The following CA12 variants were observed in gnomAD, a reference collection of about 807,000 sequenced individuals.
CA12 encodes carbonic anhydrase 12.
CA12 carries 36 observed loss-of-function variants against 46.8 expected under a neutral mutation model. The ratio of observed to expected loss-of-function variants is 0.77; its 90% CI spans 0.59 to 1.02. The LOEUF is 1.02. Among genes scored for constraint, CA12 ranks in the 50% least tolerant of loss-of-function variants. CA12 has a pLI of 0.00. For missense variants in CA12, 436 were observed against 451.4 expected (o/e 0.97, Z 0.31); for synonymous variants, 202 against 187.0 (o/e 1.08, Z -0.65).
intron 2 of CA12, among the ~76,000 whole-genome samples, chr15:63,364,203 G>A (rs1017534145): frequency 6.6e-6 from 1 of 150,930 alleles, no homozygotes; most frequent in African/African-American, 2.4e-5. Flanking sequence ...GGGCGGTGAG[G>A]AGACTTGGCT....
rs1294189449 is a variant in CA12, at chr15:63,322,402, T to G, written c.*3883A>C. The G allele has an allele frequency of 1.4e-5, 2 of 140,330 alleles. No individual in the cohort carries two copies. Among genetic ancestry groups the G allele is most frequent in the East Asian group, 3.9e-4 (2 of 5,158 alleles). The allele number at this position is 140,330 out of a possible 1,614,324, so 8.7% of individuals were successfully genotyped here. On this transcript the variant is annotated 3_prime_UTR_variant, in exon 11 of 11. Coordinates refer to ENST00000178638, the MANE Select transcript of CA12 (RefSeq NM_001218.5). This position sits in a 1 kb window ranked among gnomAD's most constrained non-coding sequence, Gnocchi z 4.1. ...TTAAATTTAAATTAATGTCACTGGTTTTTTTTTTTTTACCTTTTTCTAGTG... is the reference window on the plus strand; with the variant it reads ...TTAAATTTAAATTAATGTCACTGGTGTTTTTTTTTTTACCTTTTTCTAGTG...
At chr15:63,351,644 C>T (rs1009606309) in intron 2 of CA12, among the ~76,000 whole-genome samples, 2 of 152,194 alleles carry the variant, frequency 1.3e-5, no homozygotes, top group Admixed American at 1.3e-4. Context: ...CTCAAATGCC[C>T]TCTTCTTTCC....
intron 2 of CA12, among the ~76,000 whole-genome samples, chr15:63,351,195 C>A (rs1197792802): frequency 6.6e-6 from 1 of 152,212 alleles, no homozygotes; most frequent in African/African-American, 2.4e-5. Flanking sequence ...CCCCGCTCCT[C>A]CAAGGCTCAA....
rs1434007204 is a variant in CA12, at chr15:63,355,616, G to A, written c.107-8907C>T. ...GTGTACACCTGGCTCCTGCTGCAGA[G>A]CCTGGCACACTGAAGTGTTCAACAA... On this transcript the variant is annotated intron_variant, in intron 2 of 10. Transcript: ENST00000178638. The surrounding 1 kb of genome is among the most constrained non-coding windows in gnomAD (Gnocchi z 4.1). Among the ~76,000 whole-genome samples, 1 of 152,238 alleles carries A rather than the reference G, an allele frequency of 6.6e-6. No homozygotes were observed. The highest frequency in any genetic ancestry group is 1.9e-4 in the East Asian group (1 of 5,204).
At position 63,324,096 on chromosome 15, in the gene CA12, C is replaced by A. The variant is rs2038833640; in HGVS notation, c.*2189G>T. Reference sequence around the variant, plus strand: ...AAGGTTTCCCAGTTCCAAAGCTGGACCCACAGGAATCCTGTGAGGATTTGC... The same window carrying A: ...AAGGTTTCCCAGTTCCAAAGCTGGAACCACAGGAATCCTGTGAGGATTTGC... On this transcript the variant is annotated 3_prime_UTR_variant, in exon 11 of 11. Transcript: ENST00000178638. 1.3e-5 allele frequency: 2 copies of A among 152,254 alleles called. No homozygotes were observed. Among genetic ancestry groups the A allele is most frequent in the Admixed American group, 1.3e-4 (2 of 15,288 alleles). The allele number at this position is 152,254 out of a possible 1,614,324, so 9.4% of individuals were successfully genotyped here.
intron 2 of CA12, among the ~76,000 whole-genome samples, chr15:63,366,464 T>A (rs2039436043): frequency 6.6e-6 from 1 of 152,242 alleles, no homozygotes; most frequent in Non-Finnish European, 1.5e-5. Flanking sequence ...CTCTGTACTG[T>A]AAGGCCCCGC....
chr15:63,322,168 A>C lies in CA12; in HGVS notation c.*4117T>G, dbSNP rs1466099666. 1 of 152,200 alleles carries C rather than the reference A, an allele frequency of 6.6e-6. No homozygotes were observed. The highest frequency in any genetic ancestry group is 1.5e-5 in the Non-Finnish European group (1 of 68,036). 9.4% of individuals were successfully genotyped at this position (152,200 alleles called of 1,614,324 possible). A position where few individuals can be genotyped will look rare whatever the true frequency, so the allele number is the denominator to read the frequency against. ...ACAACTTCTAAGTGTGTTTGGAGCA[A>C]CTCGGATATTGGAATCTTTTAAACT... On this transcript the variant is annotated 3_prime_UTR_variant, in exon 11 of 11. Transcript: ENST00000178638. The surrounding 1 kb of genome is among the most constrained non-coding windows in gnomAD (Gnocchi z 4.1).
intron 2 of CA12, among the ~76,000 whole-genome samples, chr15:63,349,763 C>T (rs1441375153): frequency 2.0e-5 from 3 of 152,116 alleles, no homozygotes; most frequent in Non-Finnish European, 1.5e-5. Context: ...TCCTGGCTTC[C>T]CCACGCTGTC....
intron 1 of CA12, among the ~76,000 whole-genome samples, chr15:63,376,564 T>TTCTTTC (rs1555432641): frequency 1.9e-5 from 2 of 107,570 alleles, no homozygotes; most frequent in East Asian, 7.7e-4. Context: ...TTTCCTTTCT[T>TTCTTTC]TCTTTCTTTC....
At position 63,326,214 on chromosome 15, in the gene CA12, G is replaced by T; in HGVS notation, c.*71C>A. 1 of 1,149,686 alleles carries T rather than the reference G, an allele frequency of 8.7e-7. No homozygotes were observed. The highest frequency in any genetic ancestry group is 1.3e-6 in the Non-Finnish European group (1 of 757,622). 71.2% of individuals were successfully genotyped at this position (1,149,686 alleles called of 1,614,324 possible). A position where few individuals can be genotyped will look rare whatever the true frequency, so the allele number is the denominator to read the frequency against. ...GAGAACACCTTGAGGTGTCGCAAGT[G>T]TCCAGAGAGCCGAAGTGTGTAGGGT... On this transcript the variant is annotated 3_prime_UTR_variant, in exon 11 of 11. Coordinates refer to ENST00000178638, the MANE Select transcript of CA12 (RefSeq NM_001218.5).
chr15:63,364,966 T>C (rs2039419944), intron 2 of CA12, among the ~76,000 whole-genome samples: 1 of 152,226 alleles, frequency 6.6e-6, no homozygotes, highest in South Asian at 2.1e-4. Flanking sequence ...TTGTTTGTGT[T>C]GCGACAGGGT....
At chr15:63,352,844 GA>G (rs1163438102) in intron 2 of CA12, among the ~76,000 whole-genome samples, 1 of 152,168 alleles carries the variant, frequency 6.6e-6, no homozygotes, top group East Asian at 1.9e-4. Context: ...GTATCTATAT[GA>G]AAATGATCAA....
At position 63,338,962 on chromosome 15, in the gene CA12, A is replaced by C; in HGVS notation, c.748-17T>G. 1 of 1,614,144 alleles carries C rather than the reference A, an allele frequency of 6.2e-7. No individual in the cohort carries two copies. The highest frequency in any genetic ancestry group is 8.5e-7 in the Non-Finnish European group (1 of 1,180,028). On this transcript the variant is annotated splice_polypyrimidine_tract_variant and intron_variant, in intron 7 of 10. Transcript: ENST00000178638. ...AGCCAGCAGCTGAGGGCAAGAGCAG[A>C]AATAGCCCGCAGGCAGAATGACCTC... is the stretch of plus-strand genomic sequence containing the variant.
rs940969123 is a variant in CA12, at chr15:63,355,080, G to A, written c.107-8371C>T. ...CTTCTCCATTTCTAACCTCCTCTTA[G>A]GTTCTCATGACCTGTGACCTTAGAG... On this transcript the variant is annotated intron_variant, in intron 2 of 10. Coordinates refer to ENST00000178638, the MANE Select transcript of CA12 (RefSeq NM_001218.5). This position sits in a 1 kb window ranked among gnomAD's most constrained non-coding sequence, Gnocchi z 4.1. Among the ~76,000 whole-genome samples, 1 of 151,816 alleles carries A rather than the reference G, an allele frequency of 6.6e-6. No homozygotes were observed. The highest frequency in any genetic ancestry group is 1.5e-5 in the Non-Finnish European group (1 of 67,870).
At chr15:63,361,373 T>G (rs2039361297) in intron 2 of CA12, among the ~76,000 whole-genome samples, 1 of 152,218 alleles carries the variant, frequency 6.6e-6, no homozygotes, top group South Asian at 2.1e-4. Flanking sequence ...TGTGATGTTA[T>G]TTTAGACTAA....
intron 2 of CA12, among the ~76,000 whole-genome samples, chr15:63,356,296 G>A (rs866416151): frequency 9.2e-5 from 14 of 152,108 alleles, no homozygotes; most frequent in South Asian, 4.1e-4. Flanking sequence ...GGGAGGCTGA[G>A]GCAGGAGAAT....
At position 63,345,630 on chromosome 15, in the gene CA12, T is replaced by C; in HGVS notation, c.287-11A>G. 1 of 1,610,108 alleles carries C rather than the reference T, an allele frequency of 6.2e-7. No individual in the cohort carries two copies. The highest frequency in any genetic ancestry group is 1.3e-5 in the African/African-American group (1 of 74,940). On this transcript the variant is annotated splice_polypyrimidine_tract_variant and intron_variant, in intron 3 of 10. Transcript: ENST00000178638. This position sits in a 1 kb window ranked among gnomAD's most constrained non-coding sequence, Gnocchi z 4.3. ...GCAGGTTCAGCTTCACTGCGGGGAG[T>C]GGAGGAGCAGCCTTCAGAGCCCCGG... is the stretch of plus-strand genomic sequence containing the variant.
rs192815645 is a variant in CA12 at position 63,330,715 on chromosome 15, C to A, written c.875-2585G>T. ...GGCTTTTCTCAGGGCACATGCCCTG[C>A]GTGGTGGCTTCTCTGGAGGGAGAGT... On this transcript the variant is annotated intron_variant, in intron 8 of 10. Transcript: ENST00000178638. This position sits in a 1 kb window ranked among gnomAD's most constrained non-coding sequence, Gnocchi z 4.0. Among the ~76,000 whole-genome samples, 3 of 152,166 alleles carry A rather than the reference C, an allele frequency of 2.0e-5. No homozygotes were observed. The highest frequency in any genetic ancestry group is 1.3e-4 in the Admixed American group (2 of 15,288).
intron 4 of CA12, among the ~76,000 whole-genome samples, chr15:63,344,188 C>A (rs1387701384): frequency 1.3e-5 from 2 of 152,162 alleles, no homozygotes; most frequent in Non-Finnish European, 2.9e-5. Flanking sequence ...TTCCTCTACC[C>A]CTCTCTCACA....
Sources: allele counts gnomAD v4.1 joint callset (sites outside exome capture counted in the v4.1 genomes callset), GRCh38; gene constraint gnomAD v4.1.1; non-coding constraint Gnocchi (gnomAD v3.1); transcripts MANE v1.5; gene names NCBI Gene and HGNC (gene_info 2026-07-23, HGNC 2026-07-21).